CEP104: variants seen among roughly 807,000 people sequenced by gnomAD.
CEP104 encodes centrosomal protein 104, also known as centrosomal protein of 104 kDa.
A neutral mutation model predicts 113.3 loss-of-function variants in CEP104; 84 were observed. The observed-to-expected ratio is 0.74, with a 90% CI of 0.62 to 0.89. The LOEUF (loss-of-function observed/expected upper bound fraction) is 0.89, where lower values mean the gene tolerates loss of function less well. Ranked by LOEUF, CEP104 falls within the 40% of genes least tolerant of loss-of-function variation. The probability of loss-of-function intolerance (pLI) is 0.00; values close to 1 mark genes in which losing one functional copy is unlikely to be tolerated. For missense variants in CEP104, 1,053 were observed against 1,156.6 expected (o/e 0.91, Z 1.30); for synonymous variants, 378 against 421.7 (o/e 0.90, Z 1.27).
At position 3,836,601 on chromosome 1, in the gene CEP104, T is replaced by G; in HGVS notation, c.1211A>C (p.Asp404Ala). 1 of 1,613,416 alleles carries G rather than the reference T, an allele frequency of 6.2e-7. No homozygotes were observed. The highest frequency in any genetic ancestry group is 8.5e-7 in the Non-Finnish European group (1 of 1,179,820). The stretch of plus-strand genomic sequence containing the variant: ...GCCTCCCCTCCGAGCATCGCTGATG[T>G]CTGCATTACTCATTTCCGGCTCCAC... ...AVVEPEMSNA[D>A]ISDARRGGML... The change falls in exon 10 of 22, where the codon GAC becomes GCC. Residue 404 changes from aspartate (D) to alanine (A), a missense_variant. Physicochemically the swap from Asp to Ala is moderately radical, Grantham distance 126. Coordinates refer to ENST00000378230, the MANE Select transcript of CEP104 (RefSeq NM_014704.4).
chr1:3,831,987 T>A (rs527353106), intron 12 of CEP104, among the ~76,000 whole-genome samples: 2 of 152,212 alleles, frequency 1.3e-5, no homozygotes, highest in African/African-American at 4.8e-5. Context: ...ACAGATGCTG[T>A]TGAGTGTGTA....
chr1:3,827,098 G>A (rs747157400), intron 15 of CEP104, among the ~76,000 whole-genome samples: 7 of 152,198 alleles, frequency 4.6e-5, no homozygotes, highest in Non-Finnish European at 1.0e-4. Flanking sequence ...GCTGCAGTGA[G>A]CTGAGATCAT....
chr1:3,826,669 CA>C (rs1557665705), intron 16 of CEP104, 38 bp downstream of exon 16: 4 of 1,610,480 alleles, frequency 2.5e-6, no homozygotes, highest in Middle Eastern at 1.7e-4. Context: ...CGATTCTTTA[CA>C]CACCCCAGTT....
chr1:3,852,327 G>T lies in CEP104; in HGVS notation c.81C>A (p.His27Gln), dbSNP rs753291959. The change falls in exon 2 of 22, where the codon CAC (histidine) becomes CAA (glutamine). Residue 27 changes from histidine (H) to glutamine (Q), a missense_variant. Physicochemically the swap from His to Gln is conservative, Grantham distance 24. Coordinates refer to ENST00000378230, the MANE Select transcript of CEP104 (RefSeq NM_014704.4). ...DGFSARELMI[H>Q]APTVSGWRSP... ...ACCGCCACCCACTGACAGTTGGCGC[G>T]TGGATCATGAGCTCCCGGGCACTGA... 2 of 1,613,906 alleles carry T rather than the reference G, an allele frequency of 1.2e-6. No individual in the cohort carries two copies. Among genetic ancestry groups the T allele is most frequent in the Admixed American group, 1.7e-5 (1 of 59,976 alleles).
chr1:3,853,613 A>G (rs983128469), intron 1 of CEP104, among the ~76,000 whole-genome samples: 1 of 152,214 alleles, frequency 6.6e-6, no homozygotes, highest in Admixed American at 6.5e-5. Context: ...GACCACTTCA[A>G]TATATTAATT....
intron 8 of CEP104, 151 bp downstream of exon 8, chr1:3,838,813 C>A: frequency 2.5e-6 from 2 of 790,152 alleles, no homozygotes; most frequent in Non-Finnish European, 4.0e-6. Context: ...CTGACGTAGG[C>A]ACAGAGCTGA....
rs944200336 is a variant in CEP104 at position 3,812,094 on chromosome 1, T to A, written c.*3308A>T. ...AATAAAGTGACAAAACATTTAGTGA[T>A]CTTTTTATTATATTAATATACTCTG... On this transcript the variant is annotated 3_prime_UTR_variant, in exon 22 of 22. Coordinates refer to ENST00000378230, the MANE Select transcript of CEP104 (RefSeq NM_014704.4). 6.6e-6 allele frequency: 1 copy of A among 152,242 alleles called. No individual in the cohort carries two copies. Among genetic ancestry groups the A allele is most frequent in the Non-Finnish European group, 1.5e-5 (1 of 68,038 alleles). The allele number at this position is 152,242 out of a possible 1,614,324, so 9.4% of individuals were successfully genotyped here. A position where few individuals can be genotyped will look rare whatever the true frequency, so the allele number is the denominator to read the frequency against.
Position 3,839,706 on chromosome 1 carries a change from T to C in CEP104, c.637A>G (p.Ile213Val), listed in dbSNP as rs761446483. ...TTTCTTTCATCTAATTTTCGTATGATCTGTGCAACTTCTGGATCTTGGTAC... is the reference window on the plus strand; with the variant it reads ...TTTCTTTCATCTAATTTTCGTATGACCTGTGCAACTTCTGGATCTTGGTAC... ...DMYQDPEVAQ[I>V]IRKLDERKRE... Residue 213 changes from isoleucine to valine, a missense_variant, in exon 7 of 22, where the codon ATC (isoleucine) becomes GTC (valine). Coordinates refer to ENST00000378230, the MANE Select transcript of CEP104 (RefSeq NM_014704.4). 4.3e-6 allele frequency: 7 copies of C among 1,614,064 alleles called. No homozygotes were observed. Among genetic ancestry groups the C allele is most frequent in the Non-Finnish European group, 5.9e-6 (7 of 1,180,014 alleles).
intron 6 of CEP104, chr1:3,843,378 T>A: frequency 3.0e-6 from 1 of 334,094 alleles, no homozygotes; most frequent in African/African-American, 2.3e-5. Context: ...TATGTATAAT[T>A]TTTTTTTTTT....
rs1464149193 is a variant in CEP104, at chr1:3,813,135, A to G, written c.*2267T>C. The G allele has an allele frequency of 2.0e-5, 3 of 152,170 alleles. No homozygotes were observed. The highest frequency in any genetic ancestry group is 2.0e-4 in the Admixed American group (3 of 15,282). The allele number at this position is 152,170 out of a possible 1,614,324, so 9.4% of individuals were successfully genotyped here. On this transcript the variant is annotated 3_prime_UTR_variant, in exon 22 of 22. Transcript: ENST00000378230. ...AGAAGTGTTTTGTCTGTATTTTAAA[A>G]ATGGATTAGAAAATAATGGCCAACA...
At chr1:3,825,289 GCATTCCTGTGCAT>G in intron 18 of CEP104, among the ~76,000 whole-genome samples, 1 of 152,290 alleles carries the variant, frequency 6.6e-6, no homozygotes, top group East Asian at 1.9e-4. Context: ...CCAAGAAAGT[GCATTCCTGTGCAT>G]CCTGGAAGAC....
chr1:3,837,432 G>A lies in CEP104; in HGVS notation c.979C>T (p.Leu327=). The A allele has an allele frequency of 6.2e-7, 1 of 1,614,234 alleles. No individual in the cohort carries two copies. Among genetic ancestry groups the A allele is most frequent in the Non-Finnish European group, 8.5e-7 (1 of 1,180,040 alleles). Residue 327 remains leucine, a synonymous_variant, in exon 9 of 22, where the codon CTG becomes TTG. Coordinates refer to ENST00000378230, the MANE Select transcript of CEP104 (RefSeq NM_014704.4). ...TGGTTTTCTGTTCCTCTTTCTTCCA[G>A]TTGTGGTAGTGAGGGCATTGGCTTT... ...HQKPMPSLPQ[L]EERGTENQFA... is the part of the protein sequence containing the mutation.
Position 3,826,283 on chromosome 1 carries a change from C to A in CEP104, c.2255+87G>T, listed in dbSNP as rs1471774111. On this transcript the variant is annotated intron_variant, in intron 17 of 21. Transcript: ENST00000378230. Reference sequence around the variant, plus strand: ...TTTTATGATGACTACGAAGGGCCAACTAGGGAGGACGCATTCCCTTTCCAG... The same window carrying A: ...TTTTATGATGACTACGAAGGGCCAAATAGGGAGGACGCATTCCCTTTCCAG... 8 of 1,162,796 alleles carry A rather than the reference C, an allele frequency of 6.9e-6. No individual in the cohort carries two copies. The East Asian group carries it at 1.6e-4, about 24-fold the overall frequency. 72.0% of individuals were successfully genotyped at this position (1,162,796 alleles called of 1,614,324 possible).
chr1:3,837,490 C>A lies in CEP104; in HGVS notation c.921G>T (p.Gln307His). Residue 307 changes from glutamine (Q) to histidine (H), a missense_variant, in exon 9 of 22, where the codon CAG (glutamine) becomes CAT (histidine). Coordinates refer to ENST00000378230, the MANE Select transcript of CEP104 (RefSeq NM_014704.4). ...AAGGACTGCCAGAACGAGCGAGGGG[C>A]TGGAGGGGCAAATCAAAAGGTCTTC... ...LMRRPFDLPL[Q>H]PLARSGSPCH... 6.2e-7 allele frequency: 1 copy of A among 1,614,208 alleles called. No homozygotes were observed. The highest frequency in any genetic ancestry group is 1.3e-5 in the African/African-American group (1 of 75,058).
intron 1 of CEP104, among the ~76,000 whole-genome samples, chr1:3,854,734 C>G (rs1028467857): frequency 6.6e-6 from 1 of 151,562 alleles, no homozygotes; most frequent in Middle Eastern, 3.2e-3. Context: ...CCGCCTTGGC[C>G]TCCCAAAGTG....
intron 18 of CEP104, among the ~76,000 whole-genome samples, chr1:3,824,897 G>A (rs1458439043): frequency 6.9e-6 from 1 of 145,856 alleles, no homozygotes; most frequent in Admixed American, 6.8e-5. Context: ...ACCGTGGGAA[G>A]GGGGCAGTGG....
intron 13 of CEP104, 62 bp from the exon 14 acceptor site, chr1:3,830,059 CA>C (rs34912742): frequency 2.5e-6 from 3 of 1,202,946 alleles, no homozygotes; most frequent in Non-Finnish European, 3.7e-6. Flanking sequence ...TTCCAGCTTA[CA>C]AAAAAGGTAC....
chr1:3,832,942 A>G (rs1644244197), intron 12 of CEP104, among the ~76,000 whole-genome samples: 1 of 151,280 alleles, frequency 6.6e-6, no homozygotes, highest in Admixed American at 6.6e-5. Context: ...TGGTCTCCCA[A>G]AGTGCTGGGA....
chr1:3,836,946 C>T (rs1437107271), intron 9 of CEP104: 2 of 521,076 alleles, frequency 3.8e-6, no homozygotes, highest in African/African-American at 3.8e-5. Context: ...GATTCCACCT[C>T]AATGACTGTT....
Sources: gnomAD v4.1 joint callset for allele counts (sites outside exome capture counted in the v4.1 genomes callset) on GRCh38, gnomAD v4.1.1 for gene constraint, MANE v1.5 for transcripts, NCBI Gene and HGNC (gene_info 2026-07-23, HGNC 2026-07-21) for gene names.